Variants in TASP1 observed in about 807,000 individuals in gnomAD.
TASP1 encodes the protein threonine aspartase 1.
A neutral mutation model predicts 56.6 loss-of-function variants in TASP1; 16 were observed. The observed-to-expected ratio is 0.28, with a 90% CI of 0.19 to 0.43. TASP1 has a LOEUF of 0.43. Ranked by LOEUF, TASP1 falls within the 20% of genes least tolerant of loss-of-function variation. The pLI, the probability that TASP1 is intolerant of heterozygous loss-of-function variation, is 1.00. For missense variants in TASP1, 393 were observed against 511.6 expected, an observed-to-expected ratio of 0.77 and a Z score of 2.24; for synonymous variants, 179 against 184.2, an observed-to-expected ratio of 0.97 and a Z score of 0.23.
At chr20:13,244,557 A>G in the TASP1 span, among the ~76,000 whole-genome samples, 3 of 152,248 alleles carry the variant, frequency 2.0e-5, no homozygotes, top group African/African-American at 7.2e-5. Flanking sequence ...CACATTGCAT[A>G]TAAAAACATA....
chr20:13,362,338 A>G, the TASP1 span, among the ~76,000 whole-genome samples: 1 of 152,090 alleles, frequency 6.6e-6, no homozygotes, highest in South Asian at 2.1e-4. Context: ...AAAAGGAGTG[A>G]ATATGCCCTG....
At chr20:13,205,675 T>A in the TASP1 span, among the ~76,000 whole-genome samples, 1 of 152,136 alleles carries the variant, frequency 6.6e-6, no homozygotes, top group Non-Finnish European at 1.5e-5. Context: ...ATGACCCAAC[T>A]ACTTCCCAAC....
the TASP1 span, among the ~76,000 whole-genome samples, chr20:13,148,281 G>T: frequency 6.6e-6 from 1 of 152,178 alleles, no homozygotes; most frequent in African/African-American, 2.4e-5. Flanking sequence ...CAGCATTGGA[G>T]GGGAGGTTAA....
the TASP1 span, among the ~76,000 whole-genome samples, chr20:13,127,796 T>C: frequency 1.3e-5 from 2 of 152,320 alleles, no homozygotes; most frequent in Non-Finnish European, 2.9e-5. Flanking sequence ...TTCCTCCATA[T>C]GAAATGCGGT....
chr20:13,299,392 A>G, the TASP1 span: 1 of 1,613,230 alleles, frequency 6.2e-7, no homozygotes, highest in Non-Finnish European at 8.5e-7. The surrounding 1 kb of genome is among the most constrained non-coding windows in gnomAD (Gnocchi z 5.8). Context: ...AACAACGGAC[A>G]GAAGTGCACA....
At chr20:13,616,892 G>T (rs971224919) in intron 4 of TASP1, 4 of 340,918 alleles carry the variant, frequency 1.2e-5, no homozygotes, top group African/African-American at 4.4e-5. Context: ...TCTGTCTGGT[G>T]CTTCTTTGTC....
the TASP1 span, chr20:13,299,307 CACT>C: frequency 6.2e-7 from 1 of 1,613,770 alleles, no homozygotes; most frequent in South Asian, 1.1e-5. The surrounding 1 kb of genome is among the most constrained non-coding windows in gnomAD (Gnocchi z 5.8). Context: ...CGCGGAGCTC[CACT>C]ACAAGGTGGA....
At chr20:13,338,538 T>C in the TASP1 span, among the ~76,000 whole-genome samples, 1 of 152,196 alleles carries the variant, frequency 6.6e-6, no homozygotes, top group Non-Finnish European at 1.5e-5. Flanking sequence ...TTGCTCTGGT[T>C]CAAACGCCTC....
the TASP1 span, among the ~76,000 whole-genome samples, chr20:13,308,199 C>G: frequency 2.0e-5 from 3 of 152,156 alleles, no homozygotes; most frequent in Admixed American, 6.5e-5. Context: ...AAGGAATAGA[C>G]AGGAATCCAT....
intron 11 of TASP1, among the ~76,000 whole-genome samples, chr20:13,439,230 A>G (rs1312008307): frequency 6.6e-6 from 1 of 152,248 alleles, no homozygotes; most frequent in Non-Finnish European, 1.5e-5. Flanking sequence ...AGCACTATTC[A>G]CAATAGCAAA....
the TASP1 span, among the ~76,000 whole-genome samples, chr20:13,240,069 C>A: frequency 6.6e-6 from 1 of 152,200 alleles, no homozygotes; most frequent in Non-Finnish European, 1.5e-5. Flanking sequence ...TACAACCAAA[C>A]TGCAGTAAGG....
chr20:13,134,639 T>G, the TASP1 span, among the ~76,000 whole-genome samples: 1 of 152,146 alleles, frequency 6.6e-6, no homozygotes, highest in Non-Finnish European at 1.5e-5. Context: ...GAGATTCTGG[T>G]GCAGGCTCAA....
chr20:13,593,023 C>T (rs908507933), intron 4 of TASP1, among the ~76,000 whole-genome samples: 2 of 151,998 alleles, frequency 1.3e-5, no homozygotes, highest in African/African-American at 4.8e-5. Context: ...ATTAACAGAC[C>T]AGGAAAAATC....
At chr20:13,391,836 C>T (rs2041295890) in intron 13 of TASP1, among the ~76,000 whole-genome samples, 1 of 151,826 alleles carries the variant, frequency 6.6e-6, no homozygotes, top group Non-Finnish European at 1.5e-5. Context: ...GGCGTGGTGG[C>T]AGGCGCCTGT....
chr20:13,549,077 T>A (rs1376288530), intron 8 of TASP1, among the ~76,000 whole-genome samples: 2 of 152,136 alleles, frequency 1.3e-5, no homozygotes, highest in Non-Finnish European at 2.9e-5. Context: ...AATTACCTAG[T>A]TCAACATGCT....
At chr20:13,359,942 A>C in the TASP1 span, among the ~76,000 whole-genome samples, 1 of 151,880 alleles carries the variant, frequency 6.6e-6, no homozygotes, top group African/African-American at 2.4e-5. Context: ...TACCCCACTC[A>C]ATGCCAATAT....
chr20:13,298,997 C>A, the TASP1 span: 1 of 1,613,612 alleles, frequency 6.2e-7, no homozygotes, highest in Non-Finnish European at 8.5e-7. Flanking sequence ...TAAAGAAGTA[C>A]ATGCACAAGG....
the TASP1 span, among the ~76,000 whole-genome samples, chr20:13,256,395 C>CAAAAAAAAAAAAAAAAAAAAAAA: frequency 1.4e-5 from 1 of 71,802 alleles, no homozygotes; most frequent in Non-Finnish European, 2.8e-5. Flanking sequence ...GACCCCGTCT[C>CAAAAAAAAAAAAAAAAAAAAAAA]AAAAAAAAAA....
chr20:13,121,173 C>T, the TASP1 span, among the ~76,000 whole-genome samples: 2 of 152,190 alleles, frequency 1.3e-5, no homozygotes, highest in Non-Finnish European at 2.9e-5. Context: ...TGGTGCCGAA[C>T]ACTGGCTCCC....
Sources: gnomAD v4.1 joint callset for allele counts (sites outside exome capture counted in the v4.1 genomes callset) on GRCh38, gnomAD v4.1.1 for gene constraint, Gnocchi (gnomAD v3.1) non-coding constraint, MANE v1.5 for transcripts, NCBI Gene and HGNC (gene_info 2026-07-23, HGNC 2026-07-21) for gene names.